TECRL: variants seen among roughly 807,000 people sequenced by gnomAD.
The protein encoded by TECRL is trans-2,3-enoyl-CoA reductase-like.
In TECRL, 63 loss-of-function variants were observed where a neutral mutation model predicts 52.8. The observed-to-expected ratio is 1.19, with a 90% confidence interval of 0.97 to 1.47. The LOEUF (loss-of-function observed/expected upper bound fraction) is 1.47. Among genes scored for constraint, TECRL ranks in the 40% most tolerant of loss-of-function variants. The pLI is 0.00. For missense variants in TECRL, 482 were observed against 429.6 expected, an observed-to-expected ratio of 1.12 and a Z score of -1.08; for synonymous variants, 164 against 141.9, an observed-to-expected ratio of 1.16 and a Z score of -1.10.
intron 7 of TECRL, among the ~76,000 whole-genome samples, chr4:64,301,925 AGTC>A (rs1340991646): frequency 6.6e-6 from 1 of 151,342 alleles, no homozygotes; most frequent in African/African-American, 2.4e-5. Flanking sequence ...TATTTACATT[AGTC>A]ATTATAACAC....
chr4:64,347,482 A>T (rs1720070980), intron 2 of TECRL, among the ~76,000 whole-genome samples: 1 of 152,220 alleles, frequency 6.6e-6, no homozygotes, highest in African/African-American at 2.4e-5. Flanking sequence ...CTGTAAAGAT[A>T]CTACCCAAGA....
chr4:64,289,091 A>G (rs1217496305), intron 9 of TECRL, among the ~76,000 whole-genome samples: 3 of 152,174 alleles, frequency 2.0e-5, no homozygotes, highest in Non-Finnish European at 4.4e-5. Context: ...ACAAGAATAA[A>G]CTACTTTTCA....
chr4:64,373,570 C>A (rs565191897), intron 2 of TECRL, among the ~76,000 whole-genome samples: 118 of 151,076 alleles, frequency 7.8e-4, no homozygotes, highest in African/African-American at 2.7e-3. Flanking sequence ...AAAAATAATA[C>A]TTTTTTGTCA....
chr4:64,300,325 A>C (rs1385429093), intron 7 of TECRL, among the ~76,000 whole-genome samples: 2 of 150,872 alleles, frequency 1.3e-5, no homozygotes, highest in Admixed American at 6.6e-5. Flanking sequence ...AAGTATGGCC[A>C]AGCATATAAT....
intron 10 of TECRL, 73 bp from the exon 11 acceptor site, chr4:64,281,159 G>C (rs1722805333): frequency 1.6e-6 from 2 of 1,214,210 alleles, no homozygotes; most frequent in South Asian, 1.5e-5. Context: ...GGCTTTAACA[G>C]GTAATTTTAA....
intron 1 of TECRL, among the ~76,000 whole-genome samples, chr4:64,405,356 A>G (rs2109793070): frequency 6.6e-6 from 1 of 152,250 alleles, no homozygotes; most frequent in South Asian, 2.1e-4. Flanking sequence ...TAGAAGTAGA[A>G]GGGTTGATAT....
chr4:64,396,553 T>C (rs2109764690), intron 1 of TECRL, among the ~76,000 whole-genome samples: 1 of 152,296 alleles, frequency 6.6e-6, no homozygotes, highest in African/African-American at 2.4e-5. Context: ...TCTTGGATAT[T>C]AGACTTTGTC....
intron 2 of TECRL, among the ~76,000 whole-genome samples, chr4:64,374,853 A>C (rs1384101812): frequency 6.6e-6 from 1 of 152,124 alleles, no homozygotes; most frequent in Non-Finnish European, 1.5e-5. Context: ...GCTATTGTGA[A>C]TAGTGCCACA....
At chr4:64,314,283 T>C (rs1225211875) in intron 5 of TECRL, among the ~76,000 whole-genome samples, 1 of 152,134 alleles carries the variant, frequency 6.6e-6, no homozygotes, top group African/African-American at 2.4e-5. Flanking sequence ...AATAAATATA[T>C]TTTTAGGGAA....
intron 2 of TECRL, among the ~76,000 whole-genome samples, chr4:64,347,937 C>A (rs1720106995): frequency 6.6e-6 from 1 of 152,156 alleles, no homozygotes; most frequent in Admixed American, 6.5e-5. Context: ...GTCAGCAAGT[C>A]TCTAGGAAGT....
intron 3 of TECRL, among the ~76,000 whole-genome samples, chr4:64,324,065 C>T (rs1288926966): frequency 6.6e-6 from 1 of 152,018 alleles, no homozygotes; most frequent in Non-Finnish European, 1.5e-5. Flanking sequence ...TCCAGTATTA[C>T]AGACTTTAGA....
chr4:64,297,128 T>G (rs1723732027), intron 8 of TECRL, among the ~76,000 whole-genome samples: 1 of 151,510 alleles, frequency 6.6e-6, no homozygotes, highest in African/African-American at 2.4e-5. Context: ...ATTATTTTGT[T>G]TTCCTTACAA....
intron 1 of TECRL, among the ~76,000 whole-genome samples, chr4:64,393,368 G>T (rs774190700): frequency 2.7e-4 from 41 of 151,922 alleles, no homozygotes; most frequent in Non-Finnish European, 4.6e-4. Context: ...GACTGCAAAG[G>T]GGGGGAACAT....
chr4:64,303,634 A>T (rs1215733436), intron 7 of TECRL, among the ~76,000 whole-genome samples: 1 of 151,844 alleles, frequency 6.6e-6, no homozygotes, highest in Non-Finnish European at 1.5e-5. Context: ...ATGAGGATTC[A>T]ATGAGATAAA....
chr4:64,377,311 C>G (rs1440937253), intron 1 of TECRL, among the ~76,000 whole-genome samples: 1 of 151,958 alleles, frequency 6.6e-6, no homozygotes, highest in Non-Finnish European at 1.5e-5. Flanking sequence ...TTGATCTGCT[C>G]TTTTCAGTCC....
At chr4:64,376,350 T>A (rs185156235) in intron 1 of TECRL, among the ~76,000 whole-genome samples, 1 of 152,034 alleles carries the variant, frequency 6.6e-6, no homozygotes, top group Admixed American at 6.6e-5. Context: ...TGTTATGCTA[T>A]TAATAGCAAA....
intron 1 of TECRL, among the ~76,000 whole-genome samples, chr4:64,400,048 G>A (rs1241882652): frequency 6.6e-6 from 1 of 152,156 alleles, no homozygotes; most frequent in Non-Finnish European, 1.5e-5. Context: ...GGCACTCAAT[G>A]CCAACCTACC....
At chr4:64,343,244 A>C (rs2109538192) in intron 2 of TECRL, among the ~76,000 whole-genome samples, 1 of 152,228 alleles carries the variant, frequency 6.6e-6, no homozygotes, top group South Asian at 2.1e-4. Flanking sequence ...TACAGTGTAT[A>C]TTAATAGCTT....
At chr4:64,389,606 T>C (rs1188275343) in intron 1 of TECRL, among the ~76,000 whole-genome samples, 2 of 151,860 alleles carry the variant, frequency 1.3e-5, no homozygotes, top group African/African-American at 4.8e-5. Flanking sequence ...GTTTTTGGTG[T>C]CAGGGTAATG....
Sources: gnomAD v4.1 joint callset for allele counts (sites outside exome capture counted in the v4.1 genomes callset) on GRCh38, gnomAD v4.1.1 for gene constraint, MANE v1.5 for transcripts, NCBI Gene and HGNC (gene_info 2026-07-23, HGNC 2026-07-21) for gene names.